Variants in SDK1 observed in about 807,000 individuals in gnomAD.
The protein encoded by SDK1 is protein sidekick-1.
A neutral mutation model predicts 245.5 loss-of-function variants in SDK1; 157 were observed. The ratio of observed to expected loss-of-function variants is 0.64; its 90% CI spans 0.56 to 0.73. The LOEUF is 0.73. Among genes scored for constraint, SDK1 ranks in the 30% least tolerant of loss-of-function variants. The probability of loss-of-function intolerance (pLI) is 0.00; values close to 1 mark genes in which losing one functional copy is unlikely to be tolerated. For synonymous variants in SDK1, 1,647 were observed against 1,278.5 expected, an observed-to-expected ratio of 1.29 and a Z score of -6.15; for missense variants, 3,583 against 3,002.3, an observed-to-expected ratio of 1.19 and a Z score of -4.52.
At chr7:3,398,054 T>A (rs1424563847) in intron 1 of SDK1, among the ~76,000 whole-genome samples, 2 of 152,040 alleles carry the variant, frequency 1.3e-5, no homozygotes, top group Non-Finnish European at 2.9e-5. Flanking sequence ...AGTGTGAGGT[T>A]TTGTTTATCT....
At chr7:4,183,356 C>T (rs1782700582) in intron 35 of SDK1, among the ~76,000 whole-genome samples, 1 of 152,148 alleles carries the variant, frequency 6.6e-6, no homozygotes, top group Admixed American at 6.5e-5. Flanking sequence ...AGCTTACAGG[C>T]TGGGTGCGGT....
chr7:3,864,098 C>T (rs1780763449), intron 5 of SDK1, among the ~76,000 whole-genome samples: 2 of 151,038 alleles, frequency 1.3e-5, no homozygotes, highest in Non-Finnish European at 2.9e-5. Context: ...CACTTAATTT[C>T]TGTTTTTTGT....
At chr7:4,171,874 T>C (rs1007744079) in intron 32 of SDK1, among the ~76,000 whole-genome samples, 2 of 152,144 alleles carry the variant, frequency 1.3e-5, no homozygotes, top group African/African-American at 4.8e-5. Context: ...TCTGCAAAAT[T>C]GAAGAGGGCT....
chr7:3,426,859 C>A (rs1223201849), intron 1 of SDK1, among the ~76,000 whole-genome samples: 3 of 152,196 alleles, frequency 2.0e-5, no homozygotes, highest in Non-Finnish European at 4.4e-5. Flanking sequence ...CTGCTTAAAT[C>A]CCTGTCATGG....
At chr7:3,561,146 T>A (rs1779738698) in intron 1 of SDK1, among the ~76,000 whole-genome samples, 2 of 152,190 alleles carry the variant, frequency 1.3e-5, no homozygotes, top group Non-Finnish European at 2.9e-5. Context: ...AGGCACCTGT[T>A]ACCTAAGAGA....
chr7:4,175,680 G>A (rs1316937476), intron 33 of SDK1, 95 bp from the exon 34 acceptor site: 2 of 1,039,718 alleles, frequency 1.9e-6, no homozygotes, highest in African/African-American at 1.6e-5. Context: ...TGGCATCCCA[G>A]TAAGGCACCT....
At chr7:3,459,472 G>C (rs749060488) in intron 1 of SDK1, among the ~76,000 whole-genome samples, 7 of 152,288 alleles carry the variant, frequency 4.6e-5, no homozygotes, top group Non-Finnish European at 1.0e-4. Context: ...GTTTCTGCCT[G>C]CCTTTCTGCT....
chr7:3,956,974 G>C (rs990016032), intron 7 of SDK1, among the ~76,000 whole-genome samples: 3 of 152,198 alleles, frequency 2.0e-5, no homozygotes, highest in Non-Finnish European at 4.4e-5. Flanking sequence ...AAGGCACCCT[G>C]GGCCCGTAGG....
In SDK1 at chr7:4,208,193, G is replaced by A. The variant is rs753986108; in HGVS notation, c.5309G>A (p.Ser1770Asn). ...GTGGTGAGGCTGAAGAACCTGACCA[G>A]CCATACCAAGTACCTGGTCAGCATA... ...EPVVRLKNLT[S>N]HTKYLVSISA... is the part of the protein sequence containing the mutation. Residue 1770 changes from serine to asparagine, a missense_variant, in exon 37 of 45, where the codon AGC (serine) becomes AAC (asparagine). Coordinates refer to ENST00000404826, the MANE Select transcript of SDK1 (RefSeq NM_152744.4). 8.1e-6 allele frequency: 13 copies of A among 1,613,982 alleles called. No homozygotes were observed. The South Asian group carries it at 1.3e-4, about 16-fold the overall frequency.
chr7:4,153,514 C>T (rs556168235), intron 30 of SDK1, among the ~76,000 whole-genome samples: 7 of 152,210 alleles, frequency 4.6e-5, no homozygotes, highest in Admixed American at 1.3e-4. Context: ...TGAACCTGAG[C>T]GGCGGAGATT....
chr7:3,383,349 T>G (rs1781536318), intron 1 of SDK1, among the ~76,000 whole-genome samples: 2 of 152,120 alleles, frequency 1.3e-5, no homozygotes, highest in African/African-American at 4.8e-5. Flanking sequence ...AGGTTAAGAT[T>G]GCAGTGAATT....
intron 12 of SDK1, among the ~76,000 whole-genome samples, chr7:3,972,945 C>T (rs1782606222): frequency 6.6e-6 from 1 of 152,168 alleles, no homozygotes; most frequent in Non-Finnish European, 1.5e-5. Context: ...TGGAGACGGT[C>T]GTCAGGCCTC....
intron 1 of SDK1, among the ~76,000 whole-genome samples, chr7:3,406,155 T>C (rs1281481910): frequency 1.3e-5 from 2 of 152,222 alleles, no homozygotes; most frequent in East Asian, 1.9e-4. Context: ...ACAAGTTAAG[T>C]GGTTAATCCA....
intron 4 of SDK1, among the ~76,000 whole-genome samples, chr7:3,703,037 A>G (rs1350332573): frequency 6.6e-6 from 1 of 150,674 alleles, no homozygotes; most frequent in Admixed American, 6.6e-5. Context: ...GTTTCTTTAA[A>G]AAGTAAATGC....
intron 1 of SDK1, among the ~76,000 whole-genome samples, chr7:3,578,961 A>T (rs1027767360): frequency 3.3e-5 from 5 of 152,076 alleles, no homozygotes; most frequent in African/African-American, 1.2e-4. Flanking sequence ...TTAAAGTAAG[A>T]CAGGTGTAAG....
intron 12 of SDK1, among the ~76,000 whole-genome samples, chr7:3,973,586 T>C (rs529711154): frequency 6.6e-6 from 1 of 152,162 alleles, no homozygotes; most frequent in Non-Finnish European, 1.5e-5. Flanking sequence ...TTTTTTTTCA[T>C]GAGTTGGGCA....
At chr7:4,149,583 C>T in intron 30 of SDK1, 120 bp downstream of exon 30, 1 of 611,388 alleles carries the variant, frequency 1.6e-6, no homozygotes, top group Non-Finnish European at 2.6e-6. Context: ...AGAGCACAGG[C>T]CCCCTTTCTT....
intron 5 of SDK1, among the ~76,000 whole-genome samples, chr7:3,935,098 G>C (rs746709436): frequency 2.6e-5 from 4 of 152,204 alleles, no homozygotes; most frequent in Non-Finnish European, 5.9e-5. Context: ...GCCACAGAAT[G>C]GCCTTTGGTA....
At chr7:3,747,724 G>T (rs1779666326) in intron 4 of SDK1, among the ~76,000 whole-genome samples, 1 of 152,042 alleles carries the variant, frequency 6.6e-6, no homozygotes, top group Non-Finnish European at 1.5e-5. Flanking sequence ...TGTGTATGGT[G>T]AGGGGTTTTC....
Sources: allele counts gnomAD v4.1 joint callset (sites outside exome capture counted in the v4.1 genomes callset), GRCh38; gene constraint gnomAD v4.1.1; transcripts MANE v1.5; gene names NCBI Gene and HGNC (gene_info 2026-07-23, HGNC 2026-07-21).